PIK3C2G: variants seen among roughly 807,000 people sequenced by gnomAD.
PIK3C2G encodes the protein phosphatidylinositol-4-phosphate 3-kinase catalytic subunit type 2 gamma, also known as phosphatidylinositol 3-kinase C2 domain-containing subunit gamma.
Under a neutral mutation model 181.1 loss-of-function variants are expected in PIK3C2G, and 168 were observed. The observed-to-expected ratio is 0.93, with a 90% CI of 0.82 to 1.05. The LOEUF (loss-of-function observed/expected upper bound fraction) is 1.05. Ranked by LOEUF, PIK3C2G falls within the 50% of genes least tolerant of loss-of-function variation. The pLI, the probability that PIK3C2G is intolerant of heterozygous loss-of-function variation, is 0.00. For missense variants in PIK3C2G, 1,869 were observed against 1,732.8 expected, an observed-to-expected ratio of 1.08 and a Z score of -1.40; for synonymous variants, 573 against 592.2, an observed-to-expected ratio of 0.97 and a Z score of 0.47.
intron 32 of PIK3C2G, among the ~76,000 whole-genome samples, chr12:18,643,560 T>C (rs996303649): frequency 6.6e-6 from 1 of 151,850 alleles, no homozygotes; most frequent in Non-Finnish European, 1.5e-5. Context: ...TTTTTCATTC[T>C]ATGCCTGTAT....
chr12:18,719,025 G>C, the PIK3C2G span, among the ~76,000 whole-genome samples: 12 of 152,082 alleles, frequency 7.9e-5, no homozygotes, highest in Admixed American at 5.9e-4. Context: ...TTATGTGTTG[G>C]CTTTAGTTAT....
chr12:18,428,695 G>C, intron 18 of PIK3C2G, among the ~76,000 whole-genome samples: 1 of 152,132 alleles, frequency 6.6e-6, no homozygotes, highest in East Asian at 1.9e-4. Context: ...AATTGACTTA[G>C]GCTCACGTGA....
chr12:18,305,488 C>A (rs1950381991), intron 5 of PIK3C2G, among the ~76,000 whole-genome samples: 1 of 151,954 alleles, frequency 6.6e-6, no homozygotes, highest in African/African-American at 2.4e-5. Flanking sequence ...TGTATAATAC[C>A]AAAATGCAGC....
intron 26 of PIK3C2G, among the ~76,000 whole-genome samples, chr12:18,555,481 A>G (rs1944959625): frequency 6.6e-6 from 1 of 152,184 alleles, no homozygotes; most frequent in African/African-American, 2.4e-5. Flanking sequence ...ACACAGTGCT[A>G]AGAAACCTGT....
intron 31 of PIK3C2G, among the ~76,000 whole-genome samples, chr12:18,632,928 G>A (rs903692953): frequency 2.6e-5 from 4 of 152,032 alleles, no homozygotes; most frequent in African/African-American, 9.7e-5. Flanking sequence ...TATTTAACCT[G>A]ATATCTGGGC....
chr12:18,464,756 T>A (rs891829758), intron 18 of PIK3C2G, among the ~76,000 whole-genome samples: 1 of 152,086 alleles, frequency 6.6e-6, no homozygotes, highest in Non-Finnish European at 1.5e-5. Flanking sequence ...CATTCACGCA[T>A]GTTTTTGTTT....
rs1006270808 is a variant in PIK3C2G, at chr12:18,373,250, T to C, written c.1880+1939T>C. Among the ~76,000 whole-genome samples the C allele has an allele frequency of 5.3e-5, 8 of 152,304 alleles. No individual in the cohort carries two copies. The East Asian group carries it at 1.4e-3, about 26-fold the overall frequency. On this transcript the variant is annotated intron_variant, in intron 13 of 32. Coordinates refer to ENST00000538779, the MANE Select transcript of PIK3C2G (RefSeq NM_001288772.2). ...ATTGGTGACTGAATTTCATTTCCTTTCGGGGGTAATCCCTGCTCATAAACA... is the reference window on the plus strand; with the variant it reads ...ATTGGTGACTGAATTTCATTTCCTTCCGGGGGTAATCCCTGCTCATAAACA...
chr12:18,568,885 T>TAAAA (rs1300782793), intron 29 of PIK3C2G, among the ~76,000 whole-genome samples: 45 of 152,282 alleles, frequency 3.0e-4, no homozygotes, highest in African/African-American at 9.4e-4. Flanking sequence ...TTACTATTTT[T>TAAAA]TTTCACTTTG....
chr12:18,559,185 G>C (rs372176995), intron 26 of PIK3C2G, among the ~76,000 whole-genome samples: 3 of 152,178 alleles, frequency 2.0e-5, no homozygotes, highest in African/African-American at 7.2e-5. Context: ...TTCCTGTGTT[G>C]CTTGAATTAT....
intron 1 of PIK3C2G, among the ~76,000 whole-genome samples, chr12:18,263,570 T>C (rs565537029): frequency 4.6e-5 from 7 of 152,284 alleles, no homozygotes; most frequent in Admixed American, 1.3e-4. Flanking sequence ...AAATTTCAAA[T>C]GAATTATTTT....
intron 29 of PIK3C2G, among the ~76,000 whole-genome samples, chr12:18,587,434 A>G (rs1426451515): frequency 2.0e-5 from 3 of 152,158 alleles, no homozygotes; most frequent in African/African-American, 7.2e-5. Flanking sequence ...CAGCCAAATC[A>G]AGAATGAAAT....
At chr12:18,304,827 G>A (rs1230617446) in intron 5 of PIK3C2G, among the ~76,000 whole-genome samples, 2 of 152,136 alleles carry the variant, frequency 1.3e-5, no homozygotes, top group African/African-American at 4.8e-5. Context: ...TACAGCCTAA[G>A]ACTTCAAATA....
At chr12:18,463,872 G>A (rs755569814) in intron 18 of PIK3C2G, among the ~76,000 whole-genome samples, 4 of 152,104 alleles carry the variant, frequency 2.6e-5, no homozygotes, top group Non-Finnish European at 5.9e-5. Flanking sequence ...GTAATAGCCA[G>A]ATCTATGAAG....
At chr12:18,495,339 T>C (rs928189388) in intron 20 of PIK3C2G, among the ~76,000 whole-genome samples, 1 of 152,060 alleles carries the variant, frequency 6.6e-6, no homozygotes. Flanking sequence ...GAGTGAAAAG[T>C]AGTCAACATC....
the PIK3C2G span, among the ~76,000 whole-genome samples, chr12:18,691,047 A>G: frequency 1.4e-3 from 219 of 152,316 alleles, 1 homozygote; most frequent in African/African-American, 5.0e-3. Context: ...CAGGAAGCCA[A>G]AGAAATAGAC....
intron 12 of PIK3C2G, 127 bp downstream of exon 12, chr12:18,363,013 G>C: frequency 1.5e-6 from 1 of 661,832 alleles, no homozygotes; most frequent in Non-Finnish European, 2.4e-6. Context: ...TCAGTGGTAT[G>C]ATAAGTACAC....
At chr12:18,583,365 G>C (rs1051388030) in intron 29 of PIK3C2G, among the ~76,000 whole-genome samples, 1 of 151,976 alleles carries the variant, frequency 6.6e-6, no homozygotes, top group African/African-American at 2.4e-5. Context: ...CAGACTGTTT[G>C]TTACATGGGT....
rs78940413 is a variant in PIK3C2G, at chr12:18,455,969, C to G, written c.2504+31930C>G. 6.9e-4 allele frequency among the ~76,000 whole-genome samples: 105 copies of G among 152,204 alleles called. 1 individual carries two copies. In the East Asian group the frequency reaches 0.011, roughly 16 times the overall value. ...CAATGACATTCGCCTTATGCCAGTT[C>G]TACTTGTTTTCTTTACCATTCTGGA... On this transcript the variant is annotated intron_variant, in intron 18 of 32. Transcript: ENST00000538779.
At chr12:18,639,759 G>T (rs1949764959) in intron 31 of PIK3C2G, among the ~76,000 whole-genome samples, 1 of 151,978 alleles carries the variant, frequency 6.6e-6, no homozygotes, top group African/African-American at 2.4e-5. Flanking sequence ...GAAGAACTGG[G>T]GAGTGGAGGT....
Sources: allele counts gnomAD v4.1 joint callset (sites outside exome capture counted in the v4.1 genomes callset), GRCh38; gene constraint gnomAD v4.1.1; transcripts MANE v1.5; gene names NCBI Gene and HGNC (gene_info 2026-07-23, HGNC 2026-07-21).